Variants in SRP19 observed in about 807,000 individuals in gnomAD.
The protein encoded by SRP19 is signal recognition particle 19.
In SRP19, 11 loss-of-function variants were observed where a neutral mutation model predicts 22.4. The ratio of observed to expected loss-of-function variants is 0.49; its 90% CI spans 0.31 to 0.81. The LOEUF is 0.81. SRP19 is among the 40% of genes least tolerant of loss of function. SRP19 has a pLI of 0.05. For missense variants in SRP19, 168 were observed against 175.9 expected (o/e 0.96, Z 0.25); for synonymous variants, 61 against 57.6 (o/e 1.06, Z -0.27).
At chr5:112,887,104 A>G in intron 4 of SRP19, 2 of 1,613,730 alleles carry the variant, frequency 1.2e-6, no homozygotes, top group Non-Finnish European at 1.7e-6. Flanking sequence ...CTTCAGGAAG[A>G]AAGGACGGAT....
At chr5:112,888,866 C>G (rs1431707413) in intron 4 of SRP19, among the ~76,000 whole-genome samples, 1 of 150,722 alleles carries the variant, frequency 6.6e-6, no homozygotes, top group Non-Finnish European at 1.5e-5. Context: ...TCATCTTGAA[C>G]TGTAGCTCCC....
In SRP19 at chr5:112,867,587, A is replaced by G; in HGVS notation, c.*50A>G. ...GTACTACTGTAAGAGACATGAATGG[A>G]GACTTCTAATTTGTATCGGAGGGAA... On this transcript the variant is annotated 3_prime_UTR_variant, in exon 5 of 5. Coordinates refer to ENST00000505459, the MANE Select transcript of SRP19 (RefSeq NM_003135.3). 1 of 1,513,402 alleles carries G rather than the reference A, an allele frequency of 6.6e-7. No individual in the cohort carries two copies. The highest frequency in any genetic ancestry group is 8.9e-7 in the Non-Finnish European group (1 of 1,129,316). The allele number at this position is 1,513,402 out of a possible 1,614,324, so 93.7% of individuals were successfully genotyped here. A position where few individuals can be genotyped will look rare whatever the true frequency, so the allele number is the denominator to read the frequency against.
downstream of SRP19, among the ~76,000 whole-genome samples, chr5:112,874,414 A>G (rs978250697): frequency 1.3e-5 from 2 of 152,230 alleles, no homozygotes; most frequent in South Asian, 2.1e-4. Context: ...CCCTGGCTCC[A>G]TACTAGGATC....
In SRP19 at chr5:112,864,644, A is replaced by C. The variant is rs757949269; in HGVS notation, c.213A>C (p.Glu71Asp). The C allele has an allele frequency of 3.3e-5, 54 of 1,614,020 alleles. No individual in the cohort carries two copies. The South Asian group carries it at 5.7e-4, about 17-fold the overall frequency. Residue 71 changes from glutamate to aspartate, a missense_variant, in exon 4 of 5, where the codon GAA becomes GAC. Physicochemically the swap from Glu to Asp is conservative, Grantham distance 45. Transcript: ENST00000505459. ...FLEKNKMYSR[E>D]WNRDVQYRGR... ...AGAAAAATAAAATGTACTCTAGAGAATGGAATCGTGATGTCCAATACAGAG... is the reference window on the plus strand; with the variant it reads ...AGAAAAATAAAATGTACTCTAGAGACTGGAATCGTGATGTCCAATACAGAG...
chr5:112,873,152 T>A (rs975515991), downstream of SRP19, among the ~76,000 whole-genome samples: 2 of 150,272 alleles, frequency 1.3e-5, no homozygotes, highest in Non-Finnish European at 3.0e-5. Context: ...TGGGAATTTG[T>A]GTTTTCAGCT....
At chr5:112,897,735 A>C (rs1768733680), downstream of SRP19, 3 of 152,164 alleles carry the variant, frequency 2.0e-5, no homozygotes, top group Admixed American at 2.0e-4. Flanking sequence ...TAAAGCCAAC[A>C]ATATTAACTC....
chr5:112,890,568 G>C lies in SRP19; in HGVS notation c.302-1035G>C, dbSNP rs143768237. On this transcript the variant is annotated intron_variant, in intron 4 of 4. Transcript: ENST00000391338. Reference sequence around the variant, plus strand: ...AATTTTTGTACTTTTTGTAGAGATGGGGTTTCGCCATGTTGGCCGGGCTGG... The same window carrying C: ...AATTTTTGTACTTTTTGTAGAGATGCGGTTTCGCCATGTTGGCCGGGCTGG... 7.0e-4 allele frequency among the ~76,000 whole-genome samples: 105 copies of C among 149,968 alleles called. 5 individuals are homozygous for C. The highest frequency in any genetic ancestry group is 2.5e-3 in the African/African-American group (102 of 40,068).
chr5:112,893,091 TC>T, downstream of SRP19: 20 of 813,756 alleles, frequency 2.5e-5, no homozygotes, highest in South Asian at 1.1e-4. Flanking sequence ...CTAGTTTTGT[TC>T]TTAAAAAAAA....
At chr5:112,884,758 T>G (rs1349185488) in intron 4 of SRP19, among the ~76,000 whole-genome samples, 1 of 138,800 alleles carries the variant, frequency 7.2e-6, no homozygotes, top group African/African-American at 3.0e-5. Flanking sequence ...TTTAAAATCA[T>G]AACCATCCCT....
intron 4 of SRP19, among the ~76,000 whole-genome samples, chr5:112,876,107 G>A (rs1035449791): frequency 6.6e-6 from 1 of 151,992 alleles, no homozygotes; most frequent in African/African-American, 2.4e-5. Context: ...TTCTTTGTGT[G>A]TAATGCAATA....
chr5:112,889,980 C>T (rs1322499410), intron 4 of SRP19, among the ~76,000 whole-genome samples: 2 of 150,432 alleles, frequency 1.3e-5, no homozygotes, highest in African/African-American at 5.0e-5. Context: ...GCAAACACCA[C>T]CATGCCCAGC....
At chr5:112,880,898 G>A (rs1194690990) in intron 4 of SRP19, among the ~76,000 whole-genome samples, 2 of 152,154 alleles carry the variant, frequency 1.3e-5, no homozygotes, top group Non-Finnish European at 2.9e-5. Flanking sequence ...AGAGGCCGAG[G>A]TGGGTGGATC....
chr5:112,879,246 A>G (rs1392631333), intron 4 of SRP19, among the ~76,000 whole-genome samples: 1 of 146,632 alleles, frequency 6.8e-6, no homozygotes, highest in Admixed American at 7.2e-5. Context: ...CTAGGTCATC[A>G]TATTTATCCC....
At chr5:112,891,159 G>GA in intron 4 of SRP19, among the ~76,000 whole-genome samples, 1 of 141,998 alleles carries the variant, frequency 7.0e-6, no homozygotes, top group African/African-American at 2.9e-5. Context: ...TGCAACCTCT[G>GA]CCTCCTGGGT....
At chr5:112,894,310 G>A (rs1768608378), downstream of SRP19, 1 of 152,214 alleles carries the variant, frequency 6.6e-6, no homozygotes, top group Admixed American at 6.5e-5. Flanking sequence ...AGTAGAGACA[G>A]GGTTTCACCA....
At chr5:112,875,424 A>G (rs569736004) in intron 4 of SRP19, among the ~76,000 whole-genome samples, 34 of 150,110 alleles carry the variant, frequency 2.3e-4, no homozygotes, top group Admixed American at 1.3e-3. Flanking sequence ...GCTGGAGTGC[A>G]CTGGCACCGT....
intron 4 of SRP19, among the ~76,000 whole-genome samples, chr5:112,891,203 G>A (rs1331283477): frequency 6.6e-6 from 1 of 152,086 alleles, no homozygotes; most frequent in Non-Finnish European, 1.5e-5. Context: ...CTCCCAAGTA[G>A]CTGGGATTAC....
chr5:112,862,593 A>G lies in SRP19; in HGVS notation c.117+10A>G, dbSNP rs1767447005. 4 of 1,612,776 alleles carry G rather than the reference A, an allele frequency of 2.5e-6. No individual in the cohort carries two copies. In the African/African-American group the frequency reaches 5.3e-5, roughly 21 times the overall value. On this transcript the variant is annotated intron_variant, in intron 2 of 4. Coordinates refer to ENST00000505459, the MANE Select transcript of SRP19 (RefSeq NM_003135.3). ...AATCCCCATAAGTAAGGTAAGCAAG[A>G]TGGCTGGCACCTTGATCCTCGAGGG...
Position 112,862,498 on chromosome 5 carries a change from T to C in SRP19, c.42-10T>C. 1 of 1,612,864 alleles carries C rather than the reference T, an allele frequency of 6.2e-7. No homozygotes were observed. The highest frequency in any genetic ancestry group is 8.5e-7 in the Non-Finnish European group (1 of 1,178,884). ...TCTAGTGATACCACTTATGCTATTG[T>C]CTATGGCAGGTTTATTTGTATCTAT... is the stretch of plus-strand genomic sequence containing the variant. On this transcript the variant is annotated splice_polypyrimidine_tract_variant and intron_variant, in intron 1 of 4. Transcript: ENST00000505459.
Sources: gnomAD v4.1 joint callset for allele counts (sites outside exome capture counted in the v4.1 genomes callset) on GRCh38, gnomAD v4.1.1 for gene constraint, MANE v1.5 for transcripts, NCBI Gene and HGNC (gene_info 2026-07-23, HGNC 2026-07-21) for gene names.